PARD3B: variants seen among roughly 807,000 people sequenced by gnomAD.
The protein encoded by PARD3B is partitioning defective 3 homolog B.
A neutral mutation model predicts 130.2 loss-of-function variants in PARD3B; 103 were observed. The ratio of observed to expected loss-of-function variants is 0.79; its 90% CI spans 0.67 to 0.93. The LOEUF (loss-of-function observed/expected upper bound fraction) is 0.93. PARD3B is among the 40% of genes least tolerant of loss of function. PARD3B has a pLI of 0.00. For missense variants in PARD3B, 1,609 were observed against 1,499.2 expected (o/e 1.07, Z -1.21); for synonymous variants, 583 against 553.2 (o/e 1.05, Z -0.76).
At chr2:205,144,799 G>T (rs1403750280) in intron 10 of PARD3B, among the ~76,000 whole-genome samples, 1 of 152,212 alleles carries the variant, frequency 6.6e-6, no homozygotes, top group South Asian at 2.1e-4. Flanking sequence ...TACTAAAGGG[G>T]ATTGGTATCC....
chr2:204,900,523 T>C (rs774667644), intron 2 of PARD3B, among the ~76,000 whole-genome samples: 37 of 152,218 alleles, frequency 2.4e-4, no homozygotes, highest in Non-Finnish European at 5.3e-4. Flanking sequence ...TCCTTCTCTG[T>C]GTTATCTTGA....
At chr2:204,819,898 G>A (rs1167931273) in intron 2 of PARD3B, among the ~76,000 whole-genome samples, 2 of 152,038 alleles carry the variant, frequency 1.3e-5, no homozygotes, top group Non-Finnish European at 2.9e-5. Context: ...GGAAGCTGCA[G>A]AAGAAAAGTT....
chr2:205,192,298 C>T lies in PARD3B; in HGVS notation c.2025-907C>T, dbSNP rs2036439589. On this transcript the variant is annotated intron_variant, in intron 14 of 22. Coordinates refer to ENST00000406610, the MANE Select transcript of PARD3B (RefSeq NM_001302769.2). Reference sequence around the variant, plus strand: ...TCCAACTGTTTGAAAAACCCAACATCAATACTTTAGATTTTGTAAGGATAC... The same window carrying T: ...TCCAACTGTTTGAAAAACCCAACATTAATACTTTAGATTTTGTAAGGATAC... Among the ~76,000 whole-genome samples the T allele has an allele frequency of 2.0e-5, 3 of 152,038 alleles. No individual in the cohort carries two copies. In the South Asian group the frequency reaches 6.2e-4, roughly 32 times the overall value.
At chr2:205,070,831 C>T (rs1700683688) in intron 4 of PARD3B, among the ~76,000 whole-genome samples, 2 of 152,052 alleles carry the variant, frequency 1.3e-5, no homozygotes, top group South Asian at 4.1e-4. Flanking sequence ...TTATAACTAA[C>T]AATTTTATGC....
chr2:205,239,173 G>A (rs986714026), intron 15 of PARD3B, among the ~76,000 whole-genome samples: 1 of 151,714 alleles, frequency 6.6e-6, no homozygotes, highest in Non-Finnish European at 1.5e-5. Flanking sequence ...ATTAGCATCA[G>A]AATCCAGGGC....
At chr2:205,553,476 G>A in intron 22 of PARD3B, 73 bp downstream of exon 22, 1 of 1,472,212 alleles carries the variant, frequency 6.8e-7, no homozygotes, top group Non-Finnish European at 9.4e-7. Flanking sequence ...ACATGAAATA[G>A]AAATTCTGGC....
chr2:204,705,033 A>G (rs569857690), intron 2 of PARD3B, among the ~76,000 whole-genome samples: 3 of 152,206 alleles, frequency 2.0e-5, no homozygotes, highest in African/African-American at 7.2e-5. Context: ...CTGTTTGGGC[A>G]CAAAAGAAGG....
At chr2:205,330,882 C>T (rs554154265) in intron 18 of PARD3B, among the ~76,000 whole-genome samples, 29 of 152,258 alleles carry the variant, frequency 1.9e-4, no homozygotes, top group African/African-American at 6.0e-4. Context: ...GTTCCTTAGT[C>T]GTTTCTCCTA....
chr2:205,449,478 G>A (rs976072907), intron 20 of PARD3B, among the ~76,000 whole-genome samples: 1 of 151,990 alleles, frequency 6.6e-6, no homozygotes, highest in Non-Finnish European at 1.5e-5. Flanking sequence ...TGATCCACCC[G>A]CCTAGGCCTC....
intron 2 of PARD3B, among the ~76,000 whole-genome samples, chr2:204,740,374 A>G (rs529848762): frequency 1.3e-5 from 2 of 152,288 alleles, no homozygotes; most frequent in African/African-American, 4.8e-5. Flanking sequence ...GCTCTGTATG[A>G]AATCAAATCC....
At chr2:205,323,269 G>C (rs570481713) in intron 18 of PARD3B, among the ~76,000 whole-genome samples, 1 of 152,162 alleles carries the variant, frequency 6.6e-6, no homozygotes, top group South Asian at 2.1e-4. Flanking sequence ...AGTGTTTTAA[G>C]AATGTGGATA....
At position 205,364,403 on chromosome 2, in the gene PARD3B, C is replaced by T. The variant is rs13027351; in HGVS notation, c.2631-36610C>T. 3.9e-3 allele frequency among the ~76,000 whole-genome samples: 587 copies of T among 152,290 alleles called. 2 individuals are homozygous for T. Among genetic ancestry groups the T allele is most frequent in the Non-Finnish European group, 5.9e-3 (400 of 68,018 alleles). On this transcript the variant is annotated intron_variant, in intron 18 of 22. Transcript: ENST00000406610. ...CCCTATTACTCAAGCCTAGAAATTA[C>T]ATCTGAGTCCTCCTTGTTACAGGTG...
chr2:204,786,236 G>T (rs1486208115), intron 2 of PARD3B, among the ~76,000 whole-genome samples: 1 of 152,064 alleles, frequency 6.6e-6, no homozygotes, highest in Non-Finnish European at 1.5e-5. Context: ...CTGGTAGATG[G>T]TATAGGATAA....
In PARD3B at chr2:205,440,283, A is replaced by G. The variant is rs2047665807; in HGVS notation, c.2742-87A>G. The stretch of plus-strand genomic sequence containing the variant: ...GAGAATGACAGCTAAGAGACGAGGA[A>G]GAGTTAACATAAATTCAAGAGAGTA... On this transcript the variant is annotated intron_variant, in intron 19 of 22. Transcript: ENST00000406610. This position sits in a 1 kb window ranked among gnomAD's most constrained non-coding sequence, Gnocchi z 4.2. The G allele has an allele frequency of 2.3e-6, 3 of 1,314,700 alleles. No individual in the cohort carries two copies. The highest frequency in any genetic ancestry group is 3.2e-6 in the Non-Finnish European group (3 of 941,628). The allele number at this position is 1,314,700 out of a possible 1,614,324, so 81.4% of individuals were successfully genotyped here. A position where few individuals can be genotyped will look rare whatever the true frequency, so the allele number is the denominator to read the frequency against.
intron 2 of PARD3B, among the ~76,000 whole-genome samples, chr2:204,821,709 A>T (rs193015920): frequency 0.014 from 2,100 of 152,010 alleles, 51 homozygotes; most frequent in African/African-American, 0.045. Flanking sequence ...TAAAATAAAA[A>T]AAATTAAAAA....
intron 2 of PARD3B, among the ~76,000 whole-genome samples, chr2:204,693,721 C>T (rs137863313): frequency 2.2e-4 from 33 of 152,126 alleles, no homozygotes; most frequent in Non-Finnish European, 3.7e-4. Flanking sequence ...CCACTTCAAC[C>T]GCAGTGGTGG....
chr2:205,221,798 A>G (rs942936773), intron 15 of PARD3B, among the ~76,000 whole-genome samples: 23 of 152,076 alleles, frequency 1.5e-4, no homozygotes, highest in African/African-American at 5.3e-4. Context: ...CACAATGCCA[A>G]CAGTAGTCCA....
chr2:204,905,225 A>G (rs2047002021), intron 2 of PARD3B, among the ~76,000 whole-genome samples: 1 of 152,166 alleles, frequency 6.6e-6, no homozygotes, highest in Non-Finnish European at 1.5e-5. Context: ...TAAATATCAG[A>G]AAGAGGCATC....
At chr2:205,249,175 ATT>A (rs10707307) in intron 16 of PARD3B, among the ~76,000 whole-genome samples, 4,769 of 136,764 alleles carry the variant, frequency 0.035, 256 homozygotes, top group African/African-American at 0.12. Flanking sequence ...TGCCCGGCTA[ATT>A]TTTTTTTTTT....
Sources: allele counts gnomAD v4.1 joint callset (sites outside exome capture counted in the v4.1 genomes callset), GRCh38; gene constraint gnomAD v4.1.1; non-coding constraint Gnocchi (gnomAD v3.1); transcripts MANE v1.5; gene names NCBI Gene and HGNC (gene_info 2026-07-23, HGNC 2026-07-21).